SLC45A4: variants seen among roughly 807,000 people sequenced by gnomAD.
The protein encoded by SLC45A4 is solute carrier family 45 member 4.
SLC45A4 carries 32 observed loss-of-function variants against 63.7 expected under a neutral mutation model. The ratio of observed to expected loss-of-function variants is 0.50; its 90% CI spans 0.38 to 0.67. The LOEUF is 0.67. Ranked by LOEUF, SLC45A4 falls within the 30% of genes least tolerant of loss-of-function variation. The probability of loss-of-function intolerance (pLI) is 0.00; values close to 1 mark genes in which losing one functional copy is unlikely to be tolerated. For synonymous variants in SLC45A4, 535 were observed against 510.0 expected (o/e 1.05, Z -0.66); for missense variants, 1,027 against 1,157.7 (o/e 0.89, Z 1.64).
intron 1 of SLC45A4, among the ~76,000 whole-genome samples, chr8:141,303,469 G>A (rs771317483): frequency 6.6e-6 from 1 of 151,966 alleles, no homozygotes; most frequent in Non-Finnish European, 1.5e-5. Context: ...GTGCAATAAG[G>A]GTCATATATA....
chr8:141,247,705 C>G (rs1828284675), intron 2 of SLC45A4, among the ~76,000 whole-genome samples: 1 of 152,198 alleles, frequency 6.6e-6, no homozygotes, highest in Admixed American at 6.5e-5. Flanking sequence ...AGTCACTACG[C>G]CTGGCCCAAA....
intron 2 of SLC45A4, among the ~76,000 whole-genome samples, chr8:141,244,352 G>A (rs1485331946): frequency 6.6e-6 from 1 of 152,206 alleles, no homozygotes; most frequent in Non-Finnish European, 1.5e-5. Context: ...CTTCTGACCT[G>A]GGACAGGAGC....
intron 1 of SLC45A4, among the ~76,000 whole-genome samples, chr8:141,267,495 G>A (rs1280593833): frequency 2.6e-5 from 4 of 152,240 alleles, no homozygotes; most frequent in African/African-American, 7.2e-5. Context: ...TTGAGGCAAG[G>A]CAAGGCTTTA....
intron 6 of SLC45A4, among the ~76,000 whole-genome samples, chr8:141,216,792 A>G (rs1471963856): frequency 6.6e-6 from 1 of 152,220 alleles, no homozygotes; most frequent in East Asian, 1.9e-4. Context: ...GGCCAGGGAC[A>G]GCGTGTCTGG....
At chr8:141,244,422 T>G (rs1190747484) in intron 2 of SLC45A4, among the ~76,000 whole-genome samples, 2 of 152,198 alleles carry the variant, frequency 1.3e-5, no homozygotes, top group South Asian at 4.1e-4. Context: ...AAGTCACTCG[T>G]TCAGTCCTGC....
chr8:141,287,645 G>A (rs11781174), intron 1 of SLC45A4, among the ~76,000 whole-genome samples: 38,199 of 152,208 alleles, frequency 0.25, 5,561 homozygotes, highest in South Asian at 0.33. Flanking sequence ...TCAGTCTAGC[G>A]AGAGAATGCT....
chr8:141,301,734 C>CAAGAAAAAAAAAAAAAA (rs1830749722), intron 1 of SLC45A4, among the ~76,000 whole-genome samples: 1 of 39,564 alleles, frequency 2.5e-5, no homozygotes, highest in Non-Finnish European at 5.0e-5. Context: ...GACCCTATCT[C>CAAGAAAAAAAAAAAAAA]AAAAAAAAAA....
intron 2 of SLC45A4, among the ~76,000 whole-genome samples, chr8:141,250,234 C>T (rs1196457418): frequency 3.3e-5 from 5 of 152,204 alleles, no homozygotes; most frequent in African/African-American, 4.8e-5. Flanking sequence ...TTCACACTAA[C>T]GTGAAAGCCA....
At chr8:141,231,780 A>G (rs1477390509) in intron 2 of SLC45A4, among the ~76,000 whole-genome samples, 1 of 152,202 alleles carries the variant, frequency 6.6e-6, no homozygotes, top group Non-Finnish European at 1.5e-5. Context: ...GCACCGAGCC[A>G]TGGATCCCAC....
chr8:141,259,934 G>A (rs754065704), intron 1 of SLC45A4, among the ~76,000 whole-genome samples: 11 of 152,190 alleles, frequency 7.2e-5, no homozygotes, highest in Non-Finnish European at 1.5e-4. Context: ...ATCTGCACTG[G>A]AAAACCATTC....
chr8:141,217,440 G>C, intron 5 of SLC45A4, among the ~76,000 whole-genome samples: 1 of 152,224 alleles, frequency 6.6e-6, no homozygotes, highest in East Asian at 1.9e-4. Flanking sequence ...TGTGTCTCCC[G>C]GTCCCCAGTC....
rs1469026846 is a variant in SLC45A4, at chr8:141,207,962, G to A, written c.*3610C>T. The A allele has an allele frequency of 3.3e-5, 5 of 152,334 alleles. No homozygotes were observed. The highest frequency in any genetic ancestry group is 7.3e-5 in the Non-Finnish European group (5 of 68,096). The allele number at this position is 152,334 out of a possible 1,614,324, so 9.4% of individuals were successfully genotyped here. ...GCTCTCGGAAGCAGGGGTCCCTCAC[G>A]ACAGGCCTGTGGCACCAGGCTTGGA... On this transcript the variant is annotated 3_prime_UTR_variant, in exon 9 of 9. Transcript: ENST00000517878.
intron 2 of SLC45A4, chr8:141,228,119 G>T: frequency 1.2e-6 from 2 of 1,604,558 alleles, no homozygotes; most frequent in East Asian, 2.2e-5. Context: ...GTGGCTCACC[G>T]CAAGCTTTAG....
intron 1 of SLC45A4, among the ~76,000 whole-genome samples, chr8:141,293,300 A>G (rs1394086388): frequency 6.6e-6 from 1 of 152,062 alleles, no homozygotes; most frequent in African/African-American, 2.4e-5. Flanking sequence ...TAAAAATACA[A>G]AAAACTAGCC....
intron 2 of SLC45A4, chr8:141,228,541 G>A (rs917584111): frequency 1.9e-5 from 24 of 1,276,822 alleles, no homozygotes; most frequent in South Asian, 5.8e-5. Context: ...GGCACTCCCC[G>A]CAGCTGGAGC....
intron 4 of SLC45A4, among the ~76,000 whole-genome samples, chr8:141,219,359 G>A (rs1490506348): frequency 1.3e-5 from 2 of 152,204 alleles, no homozygotes; most frequent in Non-Finnish European, 2.9e-5. Flanking sequence ...CTGCCCTGCT[G>A]GAGGGCAAGG....
In SLC45A4 at chr8:141,211,399, C is replaced by A. The variant is rs1825798141; in HGVS notation, c.*173G>T. 1 of 1,526,844 alleles carries A rather than the reference C, an allele frequency of 6.5e-7. No individual in the cohort carries two copies. The highest frequency in any genetic ancestry group is 2.2e-5 in the Admixed American group (1 of 45,450). 94.6% of individuals were successfully genotyped at this position (1,526,844 alleles called of 1,614,324 possible). ...TCACGCTCCGCCCCCAGGTGGTGCC[C>A]AGCCCATCCCTGGGCAGGGTGTCTG... On this transcript the variant is annotated 3_prime_UTR_variant, in exon 9 of 9. Transcript: ENST00000517878.
intron 1 of SLC45A4, among the ~76,000 whole-genome samples, chr8:141,261,503 C>G (rs1416228269): frequency 6.6e-6 from 1 of 152,118 alleles, no homozygotes; most frequent in Non-Finnish European, 1.5e-5. Flanking sequence ...TCTCCTTAAG[C>G]TGATAAGCAA....
chr8:141,212,518 A>G lies in SLC45A4; in HGVS notation c.1980T>C (p.Phe660=). The G allele has an allele frequency of 6.2e-7, 1 of 1,611,218 alleles. No individual in the cohort carries two copies. Among genetic ancestry groups the G allele is most frequent in the Non-Finnish European group, 8.5e-7 (1 of 1,178,170 alleles). ...HHSPGNSKRG[F]GIDCAILSCQ... ...AGGACAGGATGGCACAATCTATGCC[A>G]AACCCTCGCTTGGAGTTCCCGGGGC... Residue 660 remains phenylalanine (F), a synonymous_variant, in exon 8 of 9, where the codon TTT becomes TTC. Coordinates refer to ENST00000517878, the MANE Select transcript of SLC45A4 (RefSeq NM_001286646.2).
Sources: allele counts gnomAD v4.1 joint callset (sites outside exome capture counted in the v4.1 genomes callset), GRCh38; gene constraint gnomAD v4.1.1; transcripts MANE v1.5; gene names NCBI Gene and HGNC (gene_info 2026-07-23, HGNC 2026-07-21).